The following PSMF1 variants were observed in gnomAD, a reference collection of about 807,000 sequenced individuals.
PSMF1 encodes proteasome inhibitor subunit 1.
In PSMF1, 30 loss-of-function variants were observed where a neutral mutation model predicts 29.3. That is an observed-to-expected ratio of 1.02 (90% confidence interval 0.77 to 1.39). PSMF1 has a LOEUF of 1.39. Ranked by LOEUF, PSMF1 falls within the 40% of genes most tolerant of loss-of-function variation. PSMF1 has a pLI of 0.00. For synonymous variants in PSMF1, 134 were observed against 139.7 expected (o/e 0.96, Z 0.29); for missense variants, 344 against 357.5 (o/e 0.96, Z 0.31).
At position 1,118,675 on chromosome 20, in the gene PSMF1, A is replaced by G. The variant is rs2086039436; in HGVS notation, c.-99A>G. 2 of 1,398,242 alleles carry G rather than the reference A, an allele frequency of 1.4e-6. No individual in the cohort carries two copies. The highest frequency in any genetic ancestry group is 2.5e-4 in the Middle Eastern group (1 of 4,022). The allele number at this position is 1,398,242 out of a possible 1,614,324, so 86.6% of individuals were successfully genotyped here. On this transcript the variant is annotated 5_prime_UTR_variant, in exon 1 of 7. Transcript: ENST00000335877. ...GTGTGGACTCGGCAAGAACCAGCGC[A>G]AGAGGGAAGCAGAGTTATAGCTACC...
intron 4 of PSMF1, among the ~76,000 whole-genome samples, chr20:1,139,462 G>A (rs1239528291): frequency 6.6e-6 from 1 of 152,174 alleles, no homozygotes. Context: ...TCAATGACGT[G>A]ATATCTTGTA....
At chr20:1,154,603 G>A (rs539909288) in intron 4 of PSMF1, among the ~76,000 whole-genome samples, 2 of 152,318 alleles carry the variant, frequency 1.3e-5, no homozygotes, top group South Asian at 2.1e-4. Context: ...CTGGGAAACA[G>A]TCTACCCCCA....
intron 1 of PSMF1, 145 bp downstream of exon 1, chr20:1,119,047 G>T: frequency 5.1e-6 from 6 of 1,184,112 alleles, no homozygotes; most frequent in Non-Finnish European, 5.9e-6. Flanking sequence ...TAAAACCTGC[G>T]GGTCGGAGGT....
At chr20:1,138,979 C>G (rs924160668) in intron 4 of PSMF1, among the ~76,000 whole-genome samples, 3 of 152,132 alleles carry the variant, frequency 2.0e-5, no homozygotes, top group Non-Finnish European at 2.9e-5. Context: ...AGTTCAAGAT[C>G]AGCCTGGCCA....
rs2086761220 is a variant in PSMF1, at chr20:1,168,878, T to C, written c.*3798T>C. Among the ~76,000 whole-genome samples, 1 of 152,214 alleles carries C rather than the reference T, an allele frequency of 6.6e-6. No individual in the cohort carries two copies. Among genetic ancestry groups the C allele is most frequent in the Non-Finnish European group, 1.5e-5 (1 of 68,040 alleles). On this transcript the variant is annotated 3_prime_UTR_variant, in exon 7 of 7. Coordinates refer to ENST00000335877, the MANE Select transcript of PSMF1 (RefSeq NM_006814.5). ...AGGGCAAGGGAAGATTCCCCACATG[T>C]ATATCCCCAGCTGTTTCTGTCATAA...
intron 2 of PSMF1, among the ~76,000 whole-genome samples, chr20:1,126,237 G>A (rs1308896582): frequency 6.6e-6 from 1 of 152,090 alleles, no homozygotes; most frequent in Non-Finnish European, 1.5e-5. Context: ...TTTGTGCTTT[G>A]CTTTTATTCT....
chr20:1,134,873 T>TG (rs1231161460), intron 3 of PSMF1: 1 of 575,332 alleles, frequency 1.7e-6, no homozygotes, highest in Admixed American at 2.6e-5. Context: ...CTCTTTCTAA[T>TG]GGGGTGGTAA....
chr20:1,151,572 A>C (rs2086531170), intron 4 of PSMF1, among the ~76,000 whole-genome samples: 1 of 152,198 alleles, frequency 6.6e-6, no homozygotes, highest in African/African-American at 2.4e-5. Context: ...TGCCCAAATC[A>C]ATCTAAGTGT....
At chr20:1,135,909 T>A (rs2086299990) in intron 4 of PSMF1, among the ~76,000 whole-genome samples, 2 of 152,200 alleles carry the variant, frequency 1.3e-5, no homozygotes, top group Non-Finnish European at 2.9e-5. Context: ...CAGGGGACCC[T>A]AGTCTCTAGC....
chr20:1,114,301 T>C (rs578221557), upstream of PSMF1, among the ~76,000 whole-genome samples: 48 of 152,250 alleles, frequency 3.2e-4, no homozygotes, highest in African/African-American at 1.1e-3. Flanking sequence ...CTCTGCTGGC[T>C]CCCTTTCCTT....
rs1248918312 is a variant in PSMF1 at position 1,168,238 on chromosome 20, A to C, written c.*3158A>C. The C allele has an allele frequency of 6.6e-6, 1 of 152,242 alleles. No homozygotes were observed. The highest frequency in any genetic ancestry group is 1.5e-5 in the Non-Finnish European group (1 of 68,050). 9.4% of individuals were successfully genotyped at this position (152,242 alleles called of 1,614,324 possible). A position where few individuals can be genotyped will look rare whatever the true frequency, so the allele number is the denominator to read the frequency against. The stretch of plus-strand genomic sequence containing the variant: ...GGGATGGTTCTAGGCTGGATGTGAT[A>C]CAGGGCAGGTTTTGTCTCTAGAGAA... On this transcript the variant is annotated 3_prime_UTR_variant, in exon 7 of 7. Coordinates refer to ENST00000335877, the MANE Select transcript of PSMF1 (RefSeq NM_006814.5).
intron 4 of PSMF1, among the ~76,000 whole-genome samples, chr20:1,152,309 T>C (rs778552028): frequency 6.6e-6 from 1 of 152,248 alleles, no homozygotes; most frequent in African/African-American, 2.4e-5. Flanking sequence ...ACACATCTTA[T>C]GAGCATTGGA....
At chr20:1,147,132 C>T (rs922383993) in intron 4 of PSMF1, among the ~76,000 whole-genome samples, 6 of 139,926 alleles carry the variant, frequency 4.3e-5, no homozygotes, top group Admixed American at 3.7e-4. Context: ...ACATTGTTTC[C>T]GTTATCATCA....
chr20:1,133,333 G>A (rs751873997), intron 3 of PSMF1, among the ~76,000 whole-genome samples: 2 of 150,492 alleles, frequency 1.3e-5, no homozygotes, highest in South Asian at 2.1e-4. Context: ...GCTTTTTTCT[G>A]TATCAATTGA....
rs761929197 is a variant in PSMF1 at position 1,128,874 on chromosome 20, G to A, written c.365+1366G>A. Among the ~76,000 whole-genome samples, 117 of 151,402 alleles carry A rather than the reference G, an allele frequency of 7.7e-4. 5 individuals are homozygous for A. Among genetic ancestry groups the A allele is most frequent in the African/African-American group, 5.1e-4 (21 of 41,268 alleles). ...ACCACCACACCCAGCTAATTTTTGCGTTTTTTTGTTTTGTTTTTTGAGACG... is the reference window on the plus strand; with the variant it reads ...ACCACCACACCCAGCTAATTTTTGCATTTTTTTGTTTTGTTTTTTGAGACG... On this transcript the variant is annotated intron_variant, in intron 3 of 6. Transcript: ENST00000335877.
intron 1 of PSMF1, among the ~76,000 whole-genome samples, chr20:1,121,077 TC>T (rs780818029): frequency 7.2e-5 from 11 of 152,242 alleles, no homozygotes; most frequent in Non-Finnish European, 1.6e-4. Flanking sequence ...CACTCAAGGC[TC>T]CAAAATTTTC....
chr20:1,147,784 C>T (rs1368727613), intron 4 of PSMF1, among the ~76,000 whole-genome samples: 2 of 152,150 alleles, frequency 1.3e-5, no homozygotes, highest in Non-Finnish European at 2.9e-5. Context: ...CTATAGCTCC[C>T]ATCACCACCA....
upstream of PSMF1, among the ~76,000 whole-genome samples, chr20:1,115,766 T>C (rs568891164): frequency 9.9e-5 from 15 of 151,230 alleles, no homozygotes; most frequent in South Asian, 3.1e-3. Context: ...ACAGTCTCTC[T>C]TTATCACCCA....
chr20:1,128,302 G>A (rs914039729), intron 3 of PSMF1, among the ~76,000 whole-genome samples: 3 of 152,126 alleles, frequency 2.0e-5, no homozygotes, highest in Non-Finnish European at 4.4e-5. Context: ...TTCCTTATAA[G>A]TTTAAATTGC....
Sources: gnomAD v4.1 joint callset for allele counts (sites outside exome capture counted in the v4.1 genomes callset) on GRCh38, gnomAD v4.1.1 for gene constraint, MANE v1.5 for transcripts, NCBI Gene and HGNC (gene_info 2026-07-23, HGNC 2026-07-21) for gene names.